The following ERO1A variants were observed in gnomAD, a reference collection of about 807,000 sequenced individuals.
ERO1A encodes endoplasmic reticulum oxidoreductase 1 alpha.
Under a neutral mutation model 76.9 loss-of-function variants are expected in ERO1A, and 49 were observed. The observed-to-expected ratio is 0.64, with a 90% CI of 0.51 to 0.81. The LOEUF is 0.81. Among genes scored for constraint, ERO1A ranks in the 30% least tolerant of loss-of-function variants. The pLI is 0.00. For synonymous variants in ERO1A, 174 were observed against 181.2 expected, an observed-to-expected ratio of 0.96 and a Z score of 0.32; for missense variants, 448 against 542.1, an observed-to-expected ratio of 0.83 and a Z score of 1.72.
At chr14:52,664,827 G>A (rs1354364843) in intron 7 of ERO1A, among the ~76,000 whole-genome samples, 1 of 152,024 alleles carries the variant, frequency 6.6e-6, no homozygotes, top group African/African-American at 2.4e-5. Flanking sequence ...GAGTAGCTGG[G>A]ACTACAGGTG....
intron 1 of ERO1A, among the ~76,000 whole-genome samples, chr14:52,687,345 G>A (rs2041210622): frequency 6.6e-6 from 1 of 152,134 alleles, no homozygotes; most frequent in Non-Finnish European, 1.5e-5. Context: ...TGGGAGGATG[G>A]CTTGAGCCTG....
At chr14:52,663,049 C>T (rs2040280224) in intron 8 of ERO1A, among the ~76,000 whole-genome samples, 1 of 152,088 alleles carries the variant, frequency 6.6e-6, no homozygotes, top group South Asian at 2.1e-4. Flanking sequence ...ATGGAAAAAG[C>T]AGCATTTGAG....
At position 52,673,205 on chromosome 14, in the gene ERO1A, T is replaced by C. The variant is rs547990861; in HGVS notation, c.358-1334A>G. On this transcript the variant is annotated intron_variant, in intron 4 of 15. Coordinates refer to ENST00000395686, the MANE Select transcript of ERO1A (RefSeq NM_014584.3). ...CCCAGGCTCAAGCAATCTTCCCCTC[T>C]CAGTCTCCTGAGTAGCTAGGACTAC... Among the ~76,000 whole-genome samples the C allele has an allele frequency of 3.3e-4, 50 of 152,228 alleles. 1 individual carries two copies. The East Asian group carries it at 9.5e-3, about 29-fold the overall frequency.
At chr14:52,693,364 A>C (rs560272629) in intron 1 of ERO1A, among the ~76,000 whole-genome samples, 1 of 152,308 alleles carries the variant, frequency 6.6e-6, no homozygotes, top group East Asian at 1.9e-4. Context: ...CCCATGCTGG[A>C]TGCTTCCTGC....
At chr14:52,681,099 A>T (rs984517415) in intron 3 of ERO1A, among the ~76,000 whole-genome samples, 1 of 152,228 alleles carries the variant, frequency 6.6e-6, no homozygotes, top group African/African-American at 2.4e-5. Flanking sequence ...AGAAAAAAAC[A>T]AACGGAACTA....
rs202051579 is a variant in ERO1A, at chr14:52,656,341, AT to A, written c.808+1575del. Among the ~76,000 whole-genome samples the A allele has an allele frequency of 1.4e-4, 21 of 152,328 alleles. 1 individual carries two copies. In the East Asian group the frequency reaches 2.7e-3, roughly 20 times the overall value. On this transcript the variant is annotated intron_variant, in intron 11 of 15. Coordinates refer to ENST00000395686, the MANE Select transcript of ERO1A (RefSeq NM_014584.3). ...TTTCCTTTTTTAAAGATGAAAAAAA[AT>A]AATAGTCAAACTTCTGAATATAAAC...
rs564839579 is a variant in ERO1A at position 52,690,789 on chromosome 14, C to T, written c.114+4579G>A. ...TATGCATTTCTTTTTTCTTCTGACA[C>T]GCAGTTTTGCTCTTGTCATCCAGGC... On this transcript the variant is annotated intron_variant, in intron 1 of 15. Coordinates refer to ENST00000395686, the MANE Select transcript of ERO1A (RefSeq NM_014584.3). 7.2e-5 allele frequency among the ~76,000 whole-genome samples: 11 copies of T among 152,256 alleles called. No homozygotes were observed. In the South Asian group the frequency reaches 1.2e-3, roughly 17 times the overall value.
Position 52,646,424 on chromosome 14 carries a change from A to C in ERO1A, c.1163T>G (p.Ile388Ser). The change falls in exon 14 of 16, where the codon ATT becomes AGT. Residue 388 changes from isoleucine to serine, a missense_variant. Around this residue, in one of 2 missense-constraint regions of ERO1A, gnomAD observed 302 missense variants for 411.9 expected, o/e 0.73. Transcript: ENST00000395686. ...TTTAAAACAACCAACACAATCCATA[A>C]TTCTTGAAATATTTCTAAAATGCAG... ...FRLHFRNISR[I>S]MDCVGCFKCR... 6.2e-7 allele frequency: 1 copy of C among 1,612,400 alleles called. No individual in the cohort carries two copies.
intron 13 of ERO1A, among the ~76,000 whole-genome samples, chr14:52,649,356 T>C (rs945133231): frequency 9.2e-5 from 14 of 152,198 alleles, no homozygotes; most frequent in African/African-American, 3.1e-4. Context: ...GGAAACAAGA[T>C]GAGATTTTTA....
chr14:52,643,540 C>T lies in ERO1A; in HGVS notation c.*30G>A. ...ATTCCACTCTTTCGCCTCCATTGTC[C>T]AGAAACAGGCACATATCAGCTTGTT... On this transcript the variant is annotated 3_prime_UTR_variant, in exon 16 of 16. Coordinates refer to ENST00000395686, the MANE Select transcript of ERO1A (RefSeq NM_014584.3). The T allele has an allele frequency of 7.0e-7, 1 of 1,422,722 alleles. No homozygotes were observed. The allele number at this position is 1,422,722 out of a possible 1,614,324, so 88.1% of individuals were successfully genotyped here.
At chr14:52,677,958 T>C (rs2040856711) in intron 4 of ERO1A, among the ~76,000 whole-genome samples, 1 of 151,586 alleles carries the variant, frequency 6.6e-6, no homozygotes, top group Admixed American at 6.6e-5. Flanking sequence ...TTATCTTTGA[T>C]ATTTTCTATA....
Position 52,693,648 on chromosome 14 carries a change from C to T in ERO1A, c.114+1720G>A, listed in dbSNP as rs539666278. 1.3e-3 allele frequency among the ~76,000 whole-genome samples: 197 copies of T among 152,174 alleles called. 2 individuals are homozygous for T. The highest frequency in any genetic ancestry group is 4.6e-3 in the African/African-American group (191 of 41,510). ...GAGACCACAGGCGCACACCATCACA[C>T]CCAGCTTTTTTCTTTTTTTAATTTT... On this transcript the variant is annotated intron_variant, in intron 1 of 15. Coordinates refer to ENST00000395686, the MANE Select transcript of ERO1A (RefSeq NM_014584.3).
intron 4 of ERO1A, among the ~76,000 whole-genome samples, chr14:52,676,268 A>G (rs1293699672): frequency 2.0e-5 from 3 of 152,262 alleles, no homozygotes; most frequent in Non-Finnish European, 4.4e-5. Flanking sequence ...TTACCAAACC[A>G]TAAAATAACT....
chr14:52,652,241 T>C lies in ERO1A; in HGVS notation c.1123A>G (p.Lys375Glu). ...ACAGTTAAGTATAAAGTAATTACCTTTAGTTTGTGTGCTTCTTTTTTATCC... is the reference window on the plus strand; with the variant it reads ...ACAGTTAAGTATAAAGTAATTACCTCTAGTTTGTGTGCTTCTTTTTTATCC... Reference protein sequence around the residue: ...AGDKKEAHKLKEDFRLHFRNI... With the variant: ...AGDKKEAHKLEEDFRLHFRNI... Residue 375 changes from lysine to glutamate, a missense_variant and splice_region_variant, in exon 13 of 16, where the codon AAG becomes GAG. Physicochemically the swap from Lys to Glu is moderately conservative, Grantham distance 56 (BLOSUM62 1). This residue lies in a region of ERO1A where 302 missense variants were observed against 411.9 expected (regional missense o/e 0.73). Transcript: ENST00000395686. The C allele has an allele frequency of 6.3e-7, 1 of 1,577,976 alleles. No individual in the cohort carries two copies. The highest frequency in any genetic ancestry group is 8.7e-7 in the Non-Finnish European group (1 of 1,147,146).
chr14:52,671,460 A>ATG, intron 6 of ERO1A, 170 bp downstream of exon 6: 1 of 520,722 alleles, frequency 1.9e-6, no homozygotes, highest in Non-Finnish European at 3.4e-6. Context: ...GGGTCTTACT[A>ATG]TGTTGCCCAG....
intron 1 of ERO1A, among the ~76,000 whole-genome samples, chr14:52,689,977 C>T (rs1342579742): frequency 6.6e-6 from 1 of 152,158 alleles, no homozygotes; most frequent in African/African-American, 2.4e-5. Flanking sequence ...AATAAACCCA[C>T]ACATGTCTGG....
At chr14:52,684,848 T>G (rs959846718) in intron 1 of ERO1A, among the ~76,000 whole-genome samples, 1 of 152,116 alleles carries the variant, frequency 6.6e-6, no homozygotes, top group Non-Finnish European at 1.5e-5. Flanking sequence ...AAACTAAAAT[T>G]CTTAGATGTT....
intron 6 of ERO1A, 86 bp downstream of exon 6, chr14:52,671,544 C>T: frequency 2.3e-6 from 2 of 888,106 alleles, no homozygotes. Context: ...ACAGGCACAC[C>T]ACCATGCCCA....
At chr14:52,661,949 A>G (rs1035108261) in intron 8 of ERO1A, among the ~76,000 whole-genome samples, 7 of 152,046 alleles carry the variant, frequency 4.6e-5, no homozygotes, top group Non-Finnish European at 7.4e-5. Flanking sequence ...AAAATTATTC[A>G]TAATTCCCCA....
Sources: gnomAD v4.1 joint callset for allele counts (sites outside exome capture counted in the v4.1 genomes callset) on GRCh38, gnomAD v4.1.1 for gene constraint, gnomAD v4.1.1 regional missense constraint, MANE v1.5 for transcripts, NCBI Gene and HGNC (gene_info 2026-07-23, HGNC 2026-07-21) for gene names.